The following SLC36A4 variants were observed in gnomAD, a reference collection of about 807,000 sequenced individuals.
SLC36A4 encodes the protein neutral amino acid uniporter 4.
Under a neutral mutation model 50.5 loss-of-function variants are expected in SLC36A4, and 49 were observed. The ratio of observed to expected loss-of-function variants is 0.97; its 90% CI spans 0.77 to 1.23. The LOEUF is 1.23. Among genes scored for constraint, SLC36A4 ranks in the 50% most tolerant of loss-of-function variants. SLC36A4 has a pLI of 0.00. For missense variants in SLC36A4, 611 were observed against 608.4 expected (o/e 1.00, Z -0.05); for synonymous variants, 207 against 206.5 (o/e 1.00, Z -0.02).
chr11:93,159,970 C>T (rs1383768465), intron 9 of SLC36A4: 3 of 985,300 alleles, frequency 3.0e-6, no homozygotes, highest in African/African-American at 3.5e-5. Flanking sequence ...CTTTCATACT[C>T]TGCCAATAGA....
At chr11:93,179,452 T>C (rs1861639614) in intron 6 of SLC36A4, among the ~76,000 whole-genome samples, 1 of 152,106 alleles carries the variant, frequency 6.6e-6, no homozygotes, top group Admixed American at 6.5e-5. Context: ...CAAAAACCAA[T>C]AAATTCTGGC....
At chr11:93,186,574 A>G (rs1036570165) in intron 1 of SLC36A4, among the ~76,000 whole-genome samples, 1 of 152,030 alleles carries the variant, frequency 6.6e-6, no homozygotes, top group Non-Finnish European at 1.5e-5. Flanking sequence ...TCTGACTTCT[A>G]CCTATTACCT....
Position 93,197,842 on chromosome 11 carries a change from G to A in SLC36A4, c.-10C>T. 1 of 1,562,798 alleles carries A rather than the reference G, an allele frequency of 6.4e-7. No individual in the cohort carries two copies. The highest frequency in any genetic ancestry group is 1.7e-5 in the Admixed American group (1 of 57,826). On this transcript the variant is annotated 5_prime_UTR_variant, in exon 1 of 11. Coordinates refer to ENST00000326402, the MANE Select transcript of SLC36A4 (RefSeq NM_152313.4). Reference sequence around the variant, plus strand: ...TCGCCGCCGCTTCCATCTCTCGCGGGTCTCCAGGACGCCGCCGCCCGAGTG... The same window carrying A: ...TCGCCGCCGCTTCCATCTCTCGCGGATCTCCAGGACGCCGCCGCCCGAGTG...
intron 6 of SLC36A4, among the ~76,000 whole-genome samples, chr11:93,175,248 G>A (rs1861401124): frequency 1.3e-5 from 2 of 151,982 alleles, no homozygotes; most frequent in South Asian, 2.1e-4. Flanking sequence ...GGTGTTTGTA[G>A]TATTCTCTGA....
intron 8 of SLC36A4, among the ~76,000 whole-genome samples, chr11:93,165,522 T>C (rs779929420): frequency 1.3e-5 from 2 of 152,206 alleles, no homozygotes; most frequent in Non-Finnish European, 2.9e-5. Flanking sequence ...GCTTCAGATG[T>C]GCCTGAGTAT....
At chr11:93,156,329 T>G (rs1860358324) in intron 9 of SLC36A4, among the ~76,000 whole-genome samples, 2 of 152,166 alleles carry the variant, frequency 1.3e-5, no homozygotes, top group Non-Finnish European at 2.9e-5. Flanking sequence ...TCTCTAATGA[T>G]CAGTAATGTT....
chr11:93,186,861 A>C (rs1862004606), intron 1 of SLC36A4, among the ~76,000 whole-genome samples: 1 of 152,172 alleles, frequency 6.6e-6, no homozygotes, highest in Admixed American at 6.5e-5. Context: ...GCTAAAACAC[A>C]CAATAATGGA....
intron 10 of SLC36A4, chr11:93,152,801 T>C (rs1490755218): frequency 6.6e-6 from 1 of 152,154 alleles, no homozygotes; most frequent in Middle Eastern, 3.2e-3. Context: ...CAGAATAGAA[T>C]TGTCTTACAT....
chr11:93,196,874 T>A (rs114486754), intron 1 of SLC36A4, among the ~76,000 whole-genome samples: 212 of 152,336 alleles, frequency 1.4e-3, no homozygotes, highest in African/African-American at 4.8e-3. Context: ...CTGTGAGGAT[T>A]AAAGACAATG....
At chr11:93,178,100 CGCCTT>C (rs1861571564) in intron 6 of SLC36A4, among the ~76,000 whole-genome samples, 1 of 152,162 alleles carries the variant, frequency 6.6e-6, no homozygotes, top group African/African-American at 2.4e-5. Flanking sequence ...GCCTCGCTGC[CGCCTT>C]GCAGTTCGAT....
intron 10 of SLC36A4, among the ~76,000 whole-genome samples, chr11:93,150,617 T>C (rs980841590): frequency 6.6e-5 from 10 of 152,004 alleles, no homozygotes; most frequent in Non-Finnish European, 1.3e-4. Context: ...TCTAAAGAAG[T>C]AGAAATAACT....
intron 1 of SLC36A4, among the ~76,000 whole-genome samples, chr11:93,188,455 C>T (rs931330618): frequency 6.6e-6 from 1 of 152,124 alleles, no homozygotes. Context: ...TTCCAAATTC[C>T]TGAAGTCAAA....
intron 9 of SLC36A4, chr11:93,155,128 A>C (rs1015584480): frequency 1.3e-5 from 2 of 152,008 alleles, no homozygotes; most frequent in Non-Finnish European, 2.9e-5. Flanking sequence ...TACAGAATCC[A>C]CTCTTTAGGG....
At chr11:93,158,920 A>G (rs1322660312) in intron 9 of SLC36A4, among the ~76,000 whole-genome samples, 1 of 152,104 alleles carries the variant, frequency 6.6e-6, no homozygotes, top group Admixed American at 6.6e-5. Flanking sequence ...TTTAAACAAC[A>G]TTTAGTGTAC....
Position 93,148,730 on chromosome 11 carries a change from G to A in SLC36A4, c.1322C>T (p.Ser441Leu), listed in dbSNP as rs201279167. 3.4e-4 allele frequency: 550 copies of A among 1,612,594 alleles called. 1 individual carries two copies. The highest frequency in any genetic ancestry group is 7.4e-4 in the South Asian group (67 of 91,038). ...CATCCATATATTATAATGTTCCTTC[G>A]AAAATGTAAGAATTTCAACCAAAGG... ...LPPLVEILTFSKEHYNIWMVL... is the reference protein window; with the variant it reads ...LPPLVEILTFLKEHYNIWMVL... Residue 441 changes from serine to leucine, a missense_variant, in exon 11 of 11, where the codon TCG (serine) becomes TTG (leucine). By Grantham distance (145) the Ser-to-Leu change is moderately radical. Coordinates refer to ENST00000326402, the MANE Select transcript of SLC36A4 (RefSeq NM_152313.4).
chr11:93,182,894 G>T lies in SLC36A4; in HGVS notation c.271C>A (p.Leu91Ile). 1 of 1,603,454 alleles carries T rather than the reference G, an allele frequency of 6.2e-7. No individual in the cohort carries two copies. The highest frequency in any genetic ancestry group is 1.1e-5 in the South Asian group (1 of 89,074). The change falls in exon 4 of 11, where the codon CTT (leucine) becomes ATT (isoleucine). Residue 91 changes from leucine (L) to isoleucine (I), a missense_variant and splice_region_variant. Transcript: ENST00000326402. ...PLAIKNAGIVLGPISLVFIGI... is the reference protein window; with the variant it reads ...PLAIKNAGIVIGPISLVFIGI... ...ATAAACACAAGGCTGATTGGTCCAA[G>T]CTGTGGGGAAAAAAAATTTATAAGG...
intron 9 of SLC36A4, chr11:93,159,730 C>G (rs1256874893): frequency 1.3e-6 from 1 of 770,290 alleles, no homozygotes; most frequent in Non-Finnish European, 1.6e-6. Context: ...CAGTATTACT[C>G]ATAACTAATT....
chr11:93,186,394 T>C (rs1861982984), intron 1 of SLC36A4, among the ~76,000 whole-genome samples: 1 of 152,238 alleles, frequency 6.6e-6, no homozygotes, highest in Non-Finnish European at 1.5e-5. Context: ...TCATCAGTTA[T>C]ACCAATAAAT....
At chr11:93,190,259 C>T (rs1484606152) in intron 1 of SLC36A4, among the ~76,000 whole-genome samples, 2 of 151,840 alleles carry the variant, frequency 1.3e-5, no homozygotes, top group African/African-American at 2.4e-5. Flanking sequence ...TTCCTGGGTA[C>T]AAAAAATACA....
Sources: gnomAD v4.1 joint callset for allele counts (sites outside exome capture counted in the v4.1 genomes callset) on GRCh38, gnomAD v4.1.1 for gene constraint, MANE v1.5 for transcripts, NCBI Gene and HGNC (gene_info 2026-07-23, HGNC 2026-07-21) for gene names.